Variants in STK33 observed in about 807,000 individuals in gnomAD.
STK33 encodes serine/threonine-protein kinase 33.
In STK33, 52 loss-of-function variants were observed where a neutral mutation model predicts 58.0. The ratio of observed to expected loss-of-function variants is 0.90; its 90% confidence interval spans 0.72 to 1.13. The LOEUF is 1.13. Among genes scored for constraint, STK33 ranks in the 50% most tolerant of loss-of-function variants. STK33 has a pLI of 0.00. For missense variants in STK33, 630 were observed against 604.2 expected, an observed-to-expected ratio of 1.04 and a Z score of -0.45; for synonymous variants, 215 against 200.1, an observed-to-expected ratio of 1.07 and a Z score of -0.63.
chr11:8,339,542 T>A, the STK33 span, among the ~76,000 whole-genome samples: 1 of 152,220 alleles, frequency 6.6e-6, no homozygotes, highest in Non-Finnish European at 1.5e-5. Context: ...GAAAGATGTG[T>A]GCTTAGAGGG....
At chr11:8,354,152 C>T in the STK33 span, among the ~76,000 whole-genome samples, 5 of 152,206 alleles carry the variant, frequency 3.3e-5, no homozygotes, top group Non-Finnish European at 7.4e-5. Context: ...CTATGTTACC[C>T]ACCGTGTCTC....
the STK33 span, among the ~76,000 whole-genome samples, chr11:8,372,623 C>T: frequency 1.3e-5 from 2 of 152,258 alleles, no homozygotes; most frequent in Admixed American, 6.5e-5. Flanking sequence ...CATCCCACCG[C>T]ATAGGCGGGT....
intron 1 of STK33, among the ~76,000 whole-genome samples, chr11:8,571,352 A>C (rs1957795064): frequency 6.6e-6 from 1 of 152,234 alleles, no homozygotes; most frequent in South Asian, 2.1e-4. Flanking sequence ...TGAAATATCT[A>C]GAATAAGCAA....
At chr11:8,473,325 T>C (rs756722290) in intron 5 of STK33, 49 bp from the exon 6 acceptor site, 21 of 1,127,508 alleles carry the variant, frequency 1.9e-5, no homozygotes, top group Non-Finnish European at 2.8e-5. Context: ...GATGTAATAT[T>C]CTTTGTTGAC....
At chr11:8,337,798 G>C in the STK33 span, among the ~76,000 whole-genome samples, 1 of 152,162 alleles carries the variant, frequency 6.6e-6, no homozygotes, top group African/African-American at 2.4e-5. Context: ...CCATTTCAGG[G>C]ACTTCGCATT....
the STK33 span, among the ~76,000 whole-genome samples, chr11:8,383,692 G>C: frequency 6.6e-6 from 1 of 152,132 alleles, no homozygotes; most frequent in Non-Finnish European, 1.5e-5. Flanking sequence ...CATCTCCCAG[G>C]GATATTTCTC....
At chr11:8,418,611 G>C (rs1941468371) in intron 14 of STK33, among the ~76,000 whole-genome samples, 1 of 152,286 alleles carries the variant, frequency 6.6e-6, no homozygotes, top group East Asian at 1.9e-4. Context: ...CCAGTAATGG[G>C]ATTGCTGAGA....
chr11:8,557,727 T>C (rs1483539230), intron 1 of STK33, among the ~76,000 whole-genome samples: 1 of 151,692 alleles, frequency 6.6e-6, no homozygotes, highest in African/African-American at 2.4e-5. Flanking sequence ...CTTCAACCTA[T>C]ATCATCACTG....
chr11:8,422,623 C>T (rs990307531), intron 14 of STK33, among the ~76,000 whole-genome samples: 46 of 152,118 alleles, frequency 3.0e-4, no homozygotes, highest in Admixed American at 1.7e-3. Flanking sequence ...TTAATTATTA[C>T]AAGACAGTTC....
At chr11:8,446,977 T>C (rs1337256476) in intron 11 of STK33, among the ~76,000 whole-genome samples, 1 of 152,144 alleles carries the variant, frequency 6.6e-6, no homozygotes, top group Non-Finnish European at 1.5e-5. Context: ...TGGGATCTAA[T>C]TAAACTAAAG....
intron 1 of STK33, among the ~76,000 whole-genome samples, chr11:8,578,655 C>G (rs971911275): frequency 1.3e-5 from 2 of 151,524 alleles, no homozygotes; most frequent in African/African-American, 4.8e-5. Context: ...TTACTTGGCT[C>G]CAGGGAAATT....
At chr11:8,393,285 G>A (rs1411408394) in intron 15 of STK33, among the ~76,000 whole-genome samples, 1 of 152,176 alleles carries the variant, frequency 6.6e-6, no homozygotes, top group Admixed American at 6.5e-5. Flanking sequence ...TGCCACAAGA[G>A]CTTACCATAA....
chr11:8,548,759 G>A (rs1319488589), intron 1 of STK33, among the ~76,000 whole-genome samples: 2 of 152,058 alleles, frequency 1.3e-5, no homozygotes, highest in Non-Finnish European at 2.9e-5. Flanking sequence ...CTTTCCATTT[G>A]TTTGTGTCCT....
Position 8,454,766 on chromosome 11 carries a change from T to C in STK33, c.764A>G (p.Asn255Ser), listed in dbSNP as rs1946650737. 5.1e-6 allele frequency: 8 copies of C among 1,579,590 alleles called. No homozygotes were observed. Among genetic ancestry groups the C allele is most frequent in the African/African-American group, 1.4e-5 (1 of 73,782 alleles). ...MVKSSLIDDN[N>S]EINLNIKVTD... Reference sequence around the variant, plus strand: ...TACCTTTATGTTTAAGTTTATTTCATTGTTATCATCAATAAGACTGCTTTT... The same window carrying C: ...TACCTTTATGTTTAAGTTTATTTCACTGTTATCATCAATAAGACTGCTTTT... Residue 255 changes from asparagine (N) to serine (S), a missense_variant, in exon 10 of 16, where the codon AAT becomes AGT. Transcript: ENST00000687296.
chr11:8,506,959 A>G, intron 1 of STK33, among the ~76,000 whole-genome samples: 1 of 152,184 alleles, frequency 6.6e-6, no homozygotes, highest in East Asian at 1.9e-4. Context: ...TATACAGTAG[A>G]TTATACTTCA....
At chr11:8,462,440 TATACACACACAC>T (rs371729782) in intron 7 of STK33, among the ~76,000 whole-genome samples, 5,150 of 126,494 alleles carry the variant, frequency 0.041, 147 homozygotes, top group Non-Finnish European at 0.059. Flanking sequence ...TATATACATA[TATACACACACAC>T]ACACACACAC....
intron 1 of STK33, among the ~76,000 whole-genome samples, chr11:8,521,018 TTTA>T (rs1429110921): frequency 2.0e-5 from 3 of 149,736 alleles, no homozygotes; most frequent in African/African-American, 7.3e-5. Context: ...TAATTTATAA[TTTA>T]TTATATTTAT....
intron 14 of STK33, among the ~76,000 whole-genome samples, chr11:8,415,789 A>G (rs1045970301): frequency 6.6e-6 from 1 of 152,154 alleles, no homozygotes; most frequent in Non-Finnish European, 1.5e-5. Flanking sequence ...TATGCAACCA[A>G]TATGATGTGA....
chr11:8,540,859 A>G (rs1955453532), intron 1 of STK33, among the ~76,000 whole-genome samples: 1 of 152,142 alleles, frequency 6.6e-6, no homozygotes, highest in Admixed American at 6.5e-5. Flanking sequence ...ATTGTATTAT[A>G]TTAGACATTT....
Sources: gnomAD v4.1 joint callset for allele counts (sites outside exome capture counted in the v4.1 genomes callset) on GRCh38, gnomAD v4.1.1 for gene constraint, MANE v1.5 for transcripts, NCBI Gene and HGNC (gene_info 2026-07-23, HGNC 2026-07-21) for gene names.